Variants in CDYL2 observed in about 807,000 individuals in gnomAD.
The protein encoded by CDYL2 is chromodomain Y-like protein 2.
CDYL2 carries 23 observed loss-of-function variants against 49.4 expected under a neutral mutation model. The observed-to-expected ratio is 0.47, with a 90% confidence interval of 0.34 to 0.66. The LOEUF (loss-of-function observed/expected upper bound fraction) is 0.66. Ranked by LOEUF, CDYL2 falls within the 30% of genes least tolerant of loss-of-function variation. CDYL2 has a pLI of 0.01. For missense variants in CDYL2, 678 were observed against 656.4 expected (o/e 1.03, Z -0.36); for synonymous variants, 360 against 268.8 (o/e 1.34, Z -3.32).
At position 80,706,393 on chromosome 16, in the gene CDYL2, C is replaced by A. The variant is rs150022455; in HGVS notation, c.25-21264G>T. 1.9e-3 allele frequency among the ~76,000 whole-genome samples: 291 copies of A among 152,286 alleles called. 2 individuals are homozygous for A. Among genetic ancestry groups the A allele is most frequent in the Middle Eastern group, 3.4e-3 (1 of 294 alleles). ...CTCAAGCTCTCGGAAACAAGATAAA[C>A]CTCAGCTTGAATCTAGGCCTCCACC... On this transcript the variant is annotated intron_variant, in intron 1 of 6. Coordinates refer to ENST00000570137, the MANE Select transcript of CDYL2 (RefSeq NM_152342.4).
chr16:80,617,294 G>C (rs940285992), intron 4 of CDYL2, among the ~76,000 whole-genome samples: 2 of 152,196 alleles, frequency 1.3e-5, no homozygotes, highest in African/African-American at 4.8e-5. Context: ...TGCCTGGTCA[G>C]CCCTACCAGG....
At chr16:80,709,568 ACACAC>A (rs1904523762) in intron 1 of CDYL2, among the ~76,000 whole-genome samples, 1 of 146,806 alleles carries the variant, frequency 6.8e-6, no homozygotes, top group African/African-American at 2.7e-5. Context: ...ACAGACACAC[ACACAC>A]ACACACACAC....
intron 1 of CDYL2, among the ~76,000 whole-genome samples, chr16:80,748,947 G>C (rs1452217371): frequency 6.6e-6 from 1 of 152,134 alleles, no homozygotes; most frequent in Non-Finnish European, 1.5e-5. Flanking sequence ...CATTCTTTCT[G>C]TACATGGTTG....
rs757864703 is a variant in CDYL2, at chr16:80,620,920, G to A, written c.850C>T (p.Arg284Trp). ...GTGGCTGCGTTGCAGAGCGCTCGCC[G>A]GACTTCTTTCATGATCTGCCGGCAG... ...ALTPEIMKEV[R>W]RALCNAATDD... The change falls in exon 4 of 7, where the codon CGG (arginine) becomes TGG (tryptophan). Residue 284 changes from arginine (R) to tryptophan (W), a missense_variant. This residue lies in a region of CDYL2 where 478 missense variants were observed against 427.0 expected (regional missense o/e 1.12). Coordinates refer to ENST00000570137, the MANE Select transcript of CDYL2 (RefSeq NM_152342.4). The A allele has an allele frequency of 2.4e-5, 39 of 1,598,788 alleles. No individual in the cohort carries two copies. The highest frequency in any genetic ancestry group is 3.0e-5 in the Non-Finnish European group (35 of 1,170,144).
chr16:80,703,429 T>C (rs1904315180), intron 1 of CDYL2, among the ~76,000 whole-genome samples: 1 of 152,148 alleles, frequency 6.6e-6, no homozygotes, highest in African/African-American at 2.4e-5. Flanking sequence ...AGCCTCAGGC[T>C]TATCCCCAGA....
At chr16:80,607,358 G>A (rs1230704103) in intron 6 of CDYL2, among the ~76,000 whole-genome samples, 1 of 152,170 alleles carries the variant, frequency 6.6e-6, no homozygotes, top group Admixed American at 6.5e-5. Context: ...GGCACAGGGA[G>A]ACAAGGAAGG....
At chr16:80,775,609 C>A (rs1021716705) in intron 1 of CDYL2, among the ~76,000 whole-genome samples, 2 of 151,076 alleles carry the variant, frequency 1.3e-5, no homozygotes, top group Non-Finnish European at 3.0e-5. Context: ...ACAAATAATC[C>A]CAAGGAAAGG....
intron 1 of CDYL2, among the ~76,000 whole-genome samples, chr16:80,762,791 T>G (rs1457465311): frequency 6.6e-6 from 1 of 152,160 alleles, no homozygotes; most frequent in Admixed American, 6.5e-5. Context: ...TGAGCTCTCA[T>G]AGGGCAGAGA....
intron 1 of CDYL2, among the ~76,000 whole-genome samples, chr16:80,782,129 A>C (rs977536857): frequency 1.3e-5 from 2 of 152,066 alleles, no homozygotes; most frequent in African/African-American, 2.4e-5. Context: ...CAAAATTAAT[A>C]AAGAAAAATG....
intron 2 of CDYL2, chr16:80,639,574 A>G (rs1907987602): frequency 4.7e-6 from 2 of 421,220 alleles, no homozygotes; most frequent in East Asian, 1.4e-4. Flanking sequence ...GGCTCCATGG[A>G]TTGTACCCTC....
chr16:80,714,883 G>T (rs1272220880), intron 1 of CDYL2, among the ~76,000 whole-genome samples: 2 of 152,102 alleles, frequency 1.3e-5, no homozygotes, highest in South Asian at 4.1e-4. Context: ...TCCTTTAGTG[G>T]CCAGGCAGAT....
intron 1 of CDYL2, among the ~76,000 whole-genome samples, chr16:80,750,395 T>A (rs552543222): frequency 1.5e-5 from 2 of 132,086 alleles, no homozygotes; most frequent in East Asian, 4.6e-4. Flanking sequence ...GTAGACTGGA[T>A]CCAAAAAAAA....
At chr16:80,686,720 C>A (rs1429974376) in intron 1 of CDYL2, among the ~76,000 whole-genome samples, 1 of 152,186 alleles carries the variant, frequency 6.6e-6, no homozygotes, top group Non-Finnish European at 1.5e-5. Flanking sequence ...CAACAGAGGT[C>A]ATGCAAAATA....
At chr16:80,668,208 A>ATTT (rs1441331044) in intron 2 of CDYL2, among the ~76,000 whole-genome samples, 2 of 152,188 alleles carry the variant, frequency 1.3e-5, no homozygotes, top group Non-Finnish European at 2.9e-5. Context: ...CTGACTCAGA[A>ATTT]AGAGTTCCAA....
In CDYL2 at chr16:80,599,242, T is replaced by C. The variant is rs1905972176; in HGVS notation, c.*5146A>G. 1 of 152,202 alleles carries C rather than the reference T, an allele frequency of 6.6e-6. No homozygotes were observed. The highest frequency in any genetic ancestry group is 2.4e-5 in the African/African-American group (1 of 41,452). 9.4% of individuals were successfully genotyped at this position (152,202 alleles called of 1,614,324 possible). ...ACACTGCAAAAATTTAAAGCAAATC[T>C]CCATCTTAATGGCTGATAAGTTGAC... On this transcript the variant is annotated 3_prime_UTR_variant, in exon 7 of 7. Transcript: ENST00000570137.
At chr16:80,787,940 A>G (rs887603882) in intron 1 of CDYL2, among the ~76,000 whole-genome samples, 1 of 152,228 alleles carries the variant, frequency 6.6e-6, no homozygotes, top group African/African-American at 2.4e-5. Flanking sequence ...AAGTCTAGGC[A>G]TCCTGAGCAC....
intron 1 of CDYL2, among the ~76,000 whole-genome samples, chr16:80,775,653 CAT>C (rs2142399556): frequency 6.6e-6 from 1 of 151,892 alleles, no homozygotes; most frequent in African/African-American, 2.4e-5. Context: ...GAAAATATAA[CAT>C]ATGATGTCAT....
chr16:80,712,127 ATATG>A (rs1045607536), intron 1 of CDYL2, among the ~76,000 whole-genome samples: 4 of 148,052 alleles, frequency 2.7e-5, no homozygotes, highest in African/African-American at 7.4e-5. Flanking sequence ...ATGTGTATAT[ATATG>A]TGTGTACATA....
intron 1 of CDYL2, among the ~76,000 whole-genome samples, chr16:80,724,568 T>G (rs1233870925): frequency 1.3e-5 from 2 of 152,164 alleles, no homozygotes; most frequent in Non-Finnish European, 2.9e-5. Context: ...ATGACACACA[T>G]GTGGCACTTC....
Sources: gnomAD v4.1 joint callset for allele counts (sites outside exome capture counted in the v4.1 genomes callset) on GRCh38, gnomAD v4.1.1 for gene constraint, gnomAD v4.1.1 regional missense constraint, MANE v1.5 for transcripts, NCBI Gene and HGNC (gene_info 2026-07-23, HGNC 2026-07-21) for gene names.